The following NEK7 variants were observed in gnomAD, a reference collection of about 807,000 sequenced individuals.
The protein encoded by NEK7 is serine/threonine-protein kinase Nek7.
Under a neutral mutation model 44.6 loss-of-function variants are expected in NEK7, and 18 were observed. The observed-to-expected ratio is 0.40, with a 90% CI of 0.28 to 0.60. The LOEUF (loss-of-function observed/expected upper bound fraction) is 0.60. Among genes scored for constraint, NEK7 ranks in the 20% least tolerant of loss-of-function variants. The pLI, the probability that NEK7 is intolerant of heterozygous loss-of-function variation, is 0.38. For synonymous variants in NEK7, 130 were observed against 121.1 expected (o/e 1.07, Z -0.48); for missense variants, 256 against 366.5 (o/e 0.70, Z 2.46).
chr1:198,182,533 C>T (rs1459655050), intron 1 of NEK7, among the ~76,000 whole-genome samples: 1 of 152,116 alleles, frequency 6.6e-6, no homozygotes. Flanking sequence ...TTCTTGCTGC[C>T]AGGCCTGTGG....
intron 1 of NEK7, among the ~76,000 whole-genome samples, chr1:198,165,817 C>CT (rs900793508): frequency 1.3e-5 from 2 of 152,178 alleles, no homozygotes; most frequent in Admixed American, 1.3e-4. Context: ...TAGATGGCAT[C>CT]TTTTTCAAAT....
At chr1:198,284,616 G>T (rs540019506) in intron 7 of NEK7, among the ~76,000 whole-genome samples, 3 of 152,078 alleles carry the variant, frequency 2.0e-5, no homozygotes, top group Admixed American at 2.0e-4. Flanking sequence ...TTCTCGTATC[G>T]TAAGAGGCAA....
chr1:198,232,667 CTA>C, intron 2 of NEK7, 30 bp downstream of exon 2: 1 of 1,326,602 alleles, frequency 7.5e-7, no homozygotes, highest in Non-Finnish European at 1.1e-6. Flanking sequence ...ATGGGCAGAA[CTA>C]TATATAATCT....
chr1:198,194,492 T>C (rs935169815), intron 1 of NEK7, among the ~76,000 whole-genome samples: 2 of 152,088 alleles, frequency 1.3e-5, no homozygotes, highest in African/African-American at 4.8e-5. Context: ...TTTCTCTCTA[T>C]GTGTCTGTTG....
intron 9 of NEK7, among the ~76,000 whole-genome samples, chr1:198,305,094 A>ATTTATCTT (rs1654986847): frequency 9.1e-6 from 1 of 109,830 alleles, no homozygotes; most frequent in Admixed American, 1.1e-4. Context: ...AGATAACATA[A>ATTTATCTT]ACCATGAAAT....
Position 198,229,443 on chromosome 1 carries a change from A to G in NEK7, c.-28-3110A>G, listed in dbSNP as rs4319372. ...CAGAGAGGGGGTCAGGGGAACCCCA[A>G]CTTGACGTGGGTTGGTCAGAAATTC... On this transcript the variant is annotated intron_variant, in intron 1 of 9. Transcript: ENST00000367385. Among the ~76,000 whole-genome samples, 314 of 152,256 alleles carry G rather than the reference A, an allele frequency of 2.1e-3. 1 individual carries two copies. The highest frequency in any genetic ancestry group is 6.5e-4 in the Non-Finnish European group (44 of 68,018).
chr1:198,241,910 C>T (rs144644444), intron 2 of NEK7, among the ~76,000 whole-genome samples: 1 of 152,196 alleles, frequency 6.6e-6, no homozygotes, highest in African/African-American at 2.4e-5. Context: ...ATTGTCTTGG[C>T]CCACATTTCT....
chr1:198,224,650 T>A (rs1666159596), intron 1 of NEK7, among the ~76,000 whole-genome samples: 2 of 151,566 alleles, frequency 1.3e-5, no homozygotes, highest in Non-Finnish European at 1.5e-5. Flanking sequence ...GCTATTTATT[T>A]TATATATATA....
chr1:198,296,679 A>G (rs746999975), intron 8 of NEK7, among the ~76,000 whole-genome samples: 1 of 152,200 alleles, frequency 6.6e-6, no homozygotes, highest in Non-Finnish European at 1.5e-5. Context: ...TGCAAGAGAA[A>G]ATGCTCTGCA....
At chr1:198,273,048 C>A (rs1653903779) in intron 5 of NEK7, among the ~76,000 whole-genome samples, 1 of 151,698 alleles carries the variant, frequency 6.6e-6, no homozygotes, top group South Asian at 2.1e-4. Flanking sequence ...ACCATTTTAA[C>A]TTTTGGGAAT....
intron 1 of NEK7, among the ~76,000 whole-genome samples, chr1:198,194,281 T>G (rs1180888117): frequency 1.3e-5 from 2 of 151,824 alleles, no homozygotes; most frequent in African/African-American, 4.8e-5. Flanking sequence ...TCTAGCTTTT[T>G]GCATTTTCTT....
intron 9 of NEK7, among the ~76,000 whole-genome samples, chr1:198,313,183 C>T (rs1655244947): frequency 6.6e-6 from 1 of 152,152 alleles, no homozygotes; most frequent in Non-Finnish European, 1.5e-5. Context: ...GATCCCTTTA[C>T]CATTATGTAA....
At chr1:198,203,226 T>C (rs1233313468) in intron 1 of NEK7, among the ~76,000 whole-genome samples, 2 of 152,190 alleles carry the variant, frequency 1.3e-5, no homozygotes, top group African/African-American at 2.4e-5. Flanking sequence ...TAATATTGGC[T>C]TAGGGCTGCA....
chr1:198,160,328 TA>T (rs1355796702), intron 1 of NEK7, among the ~76,000 whole-genome samples: 1 of 151,080 alleles, frequency 6.6e-6, no homozygotes. Flanking sequence ...TTTTTTTTTT[TA>T]AATAGGCTTT....
intron 2 of NEK7, among the ~76,000 whole-genome samples, chr1:198,247,244 T>A (rs1466905809): frequency 6.6e-6 from 1 of 152,226 alleles, no homozygotes; most frequent in African/African-American, 2.4e-5. Flanking sequence ...ATTTTAAACA[T>A]GTTTCTATTC....
chr1:198,224,695 A>G (rs1183626797), intron 1 of NEK7, among the ~76,000 whole-genome samples: 1 of 152,054 alleles, frequency 6.6e-6, no homozygotes, highest in Non-Finnish European at 1.5e-5. Flanking sequence ...TAAATAAATT[A>G]GTATGTATTT....
intron 1 of NEK7, among the ~76,000 whole-genome samples, chr1:198,175,993 C>A (rs933082660): frequency 3.3e-5 from 5 of 152,136 alleles, no homozygotes; most frequent in African/African-American, 1.2e-4. Flanking sequence ...TCATTATGAA[C>A]CTTCCTTTAG....
At chr1:198,202,370 A>G (rs755816434) in intron 1 of NEK7, among the ~76,000 whole-genome samples, 9 of 152,174 alleles carry the variant, frequency 5.9e-5, no homozygotes, top group Admixed American at 1.3e-4. Flanking sequence ...AACTTGCCCA[A>G]AATCCTGTGT....
intron 9 of NEK7, among the ~76,000 whole-genome samples, chr1:198,304,728 G>A (rs58869885): frequency 0.083 from 12,568 of 152,108 alleles, 690 homozygotes; most frequent in East Asian, 0.17. Context: ...CAACCTATTT[G>A]CTTTGATATC....
Sources: gnomAD v4.1 joint callset for allele counts (sites outside exome capture counted in the v4.1 genomes callset) on GRCh38, gnomAD v4.1.1 for gene constraint, MANE v1.5 for transcripts, NCBI Gene and HGNC (gene_info 2026-07-23, HGNC 2026-07-21) for gene names.